Variants in KCNIP1 observed in about 807,000 individuals in gnomAD.
KCNIP1 encodes A-type potassium channel modulatory protein KCNIP1.
In KCNIP1, 18 loss-of-function variants were observed where a neutral mutation model predicts 33.0. That is an observed-to-expected ratio of 0.55 (90% CI 0.38 to 0.81). KCNIP1 has a LOEUF of 0.81. Among genes scored for constraint, KCNIP1 ranks in the 30% least tolerant of loss-of-function variants. KCNIP1 has a pLI of 0.00. For synonymous variants in KCNIP1, 93 were observed against 98.3 expected (o/e 0.95, Z 0.32); for missense variants, 238 against 271.6 (o/e 0.88, Z 0.87).
intron 5 of KCNIP1, among the ~76,000 whole-genome samples, chr5:170,724,225 A>G (rs1763932876): frequency 6.6e-6 from 1 of 152,218 alleles, no homozygotes; most frequent in African/African-American, 2.4e-5. Context: ...CAATCCTACA[A>G]AAAAATTTTA....
chr5:170,390,499 T>G (rs1764674948), intron 1 of KCNIP1, among the ~76,000 whole-genome samples: 1 of 71,380 alleles, frequency 1.4e-5, no homozygotes, highest in African/African-American at 5.7e-5. Context: ...CGAGACCCCG[T>G]CTCAAAAAAA....
intron 1 of KCNIP1, among the ~76,000 whole-genome samples, chr5:170,694,685 G>T (rs745943159): frequency 6.6e-6 from 1 of 152,184 alleles, no homozygotes; most frequent in Non-Finnish European, 1.5e-5. Flanking sequence ...TCCACAGAGA[G>T]GTTCTTTTTA....
chr5:170,567,458 G>A (rs1351731377), intron 1 of KCNIP1, among the ~76,000 whole-genome samples: 1 of 152,202 alleles, frequency 6.6e-6, no homozygotes, highest in Admixed American at 6.5e-5. Flanking sequence ...AAGGACAAAA[G>A]GAAGTTAAGT....
chr5:170,615,799 A>C (rs560771275), intron 1 of KCNIP1, among the ~76,000 whole-genome samples: 36 of 152,318 alleles, frequency 2.4e-4, no homozygotes, highest in Non-Finnish European at 7.4e-5. Flanking sequence ...AAGCACTAAT[A>C]CTAATAGTAC....
At chr5:170,614,571 A>AT (rs968232539) in intron 1 of KCNIP1, among the ~76,000 whole-genome samples, 9 of 152,094 alleles carry the variant, frequency 5.9e-5, no homozygotes, top group African/African-American at 1.2e-4. Context: ...TAAAAAGGGG[A>AT]TTTTTTCACA....
intron 1 of KCNIP1, among the ~76,000 whole-genome samples, chr5:170,487,171 G>C (rs1377393647): frequency 1.3e-5 from 2 of 152,182 alleles, no homozygotes; most frequent in Non-Finnish European, 2.9e-5. Context: ...AGGGCAAGAA[G>C]CCTAGGGAAA....
intron 1 of KCNIP1, among the ~76,000 whole-genome samples, chr5:170,564,979 C>A (rs951221398): frequency 3.3e-5 from 5 of 152,116 alleles, no homozygotes; most frequent in Admixed American, 3.3e-4. Context: ...ACCTAGGTTA[C>A]CTGGCCCCAA....
chr5:170,378,722 G>T (rs530892093), intron 1 of KCNIP1: 4 of 1,612,526 alleles, frequency 2.5e-6, no homozygotes, highest in Admixed American at 1.7e-5. Context: ...GGGCCGCCAG[G>T]ATGGACAGGT....
chr5:170,390,974 G>C (rs1315881684), intron 1 of KCNIP1, among the ~76,000 whole-genome samples: 1 of 152,138 alleles, frequency 6.6e-6, no homozygotes, highest in Non-Finnish European at 1.5e-5. Flanking sequence ...CTCTCAGGCG[G>C]TGAGTGCCCT....
intron 1 of KCNIP1, among the ~76,000 whole-genome samples, chr5:170,531,274 T>C (rs1320347270): frequency 6.6e-6 from 1 of 152,194 alleles, no homozygotes; most frequent in African/African-American, 2.4e-5. Context: ...GAAACTCTTG[T>C]GCACACAGAT....
At chr5:170,710,289 G>T (rs1763401579) in intron 1 of KCNIP1, among the ~76,000 whole-genome samples, 1 of 151,986 alleles carries the variant, frequency 6.6e-6, no homozygotes, top group African/African-American at 2.4e-5. Flanking sequence ...CTGTTTAATT[G>T]TTAATTTGGA....
upstream of KCNIP1, among the ~76,000 whole-genome samples, chr5:170,499,354 T>A (rs184489662): frequency 3.6e-4 from 55 of 152,370 alleles, no homozygotes; most frequent in South Asian, 1.9e-3. Flanking sequence ...AATAGGGCAG[T>A]CCACCTTCAA....
intron 1 of KCNIP1, among the ~76,000 whole-genome samples, chr5:170,475,277 A>C (rs1371844319): frequency 6.6e-6 from 1 of 152,134 alleles, no homozygotes; most frequent in Non-Finnish European, 1.5e-5. Flanking sequence ...TTTTTATTTC[A>C]TTGCTTGGCT....
intron 1 of KCNIP1, among the ~76,000 whole-genome samples, chr5:170,586,824 G>A (rs1758006311): frequency 6.6e-6 from 1 of 152,218 alleles, no homozygotes; most frequent in Non-Finnish European, 1.5e-5. Flanking sequence ...TGGAGGGCAG[G>A]GATGGAACAT....
chr5:170,390,517 A>AAAATATAT, intron 1 of KCNIP1, among the ~76,000 whole-genome samples: 10 of 74,524 alleles, frequency 1.3e-4, no homozygotes, highest in African/African-American at 5.1e-4. Flanking sequence ...AAAAAAAACA[A>AAAATATAT]ATATATATAT....
chr5:170,458,539 A>T (rs1191538275), intron 1 of KCNIP1, among the ~76,000 whole-genome samples: 1 of 152,238 alleles, frequency 6.6e-6, no homozygotes, highest in East Asian at 1.9e-4. Flanking sequence ...TTGGGGCCCT[A>T]TCTTCAGCCT....
intron 1 of KCNIP1, among the ~76,000 whole-genome samples, chr5:170,358,549 A>C (rs1763410136): frequency 6.6e-6 from 1 of 152,178 alleles, no homozygotes; most frequent in African/African-American, 2.4e-5. Flanking sequence ...TGTCATTTGA[A>C]CACCACCCCA....
At chr5:170,412,756 T>C (rs923881765) in intron 1 of KCNIP1, among the ~76,000 whole-genome samples, 6 of 152,246 alleles carry the variant, frequency 3.9e-5, no homozygotes, top group African/African-American at 1.4e-4. Flanking sequence ...GCACCAGATG[T>C]TCCCTCTGCC....
intron 2 of KCNIP1, 99 bp downstream of exon 2, chr5:170,718,981 G>A (rs1763726539): frequency 1.4e-6 from 2 of 1,479,096 alleles, no homozygotes; most frequent in Non-Finnish European, 1.8e-6. Flanking sequence ...TCCCATATGT[G>A]AGGCTGTACA....
Sources: gnomAD v4.1 joint callset for allele counts (sites outside exome capture counted in the v4.1 genomes callset) on GRCh38, gnomAD v4.1.1 for gene constraint, MANE v1.5 for transcripts, NCBI Gene and HGNC (gene_info 2026-07-23, HGNC 2026-07-21) for gene names.